Variants in DYNC2I1 observed in about 807,000 individuals in gnomAD.
The protein encoded by DYNC2I1 is dynein 2 intermediate chain 1.
DYNC2I1 carries 89 observed loss-of-function variants against 133.4 expected under a neutral mutation model. The ratio of observed to expected loss-of-function variants is 0.67; its 90% CI spans 0.56 to 0.80. DYNC2I1 has a LOEUF of 0.80. DYNC2I1 is among the 30% of genes least tolerant of loss of function. The pLI is 0.00. For missense variants in DYNC2I1, 1,291 were observed against 1,314.5 expected, an observed-to-expected ratio of 0.98 and a Z score of 0.28; for synonymous variants, 504 against 484.3, an observed-to-expected ratio of 1.04 and a Z score of -0.54.
In DYNC2I1 at chr7:158,945,602, G is replaced by A; in HGVS notation, c.3024G>A (p.Val1008=). ...GCAGGCTGGTGGCCATGGCTGCGGT[G>A]GGTGAGCCTGAGAAGGCTGGTGGCA... ...SPNRLVAMAA[V]GEPEKAGGSF... Residue 1008 remains valine (V), a synonymous_variant, in exon 25 of 25, where the codon GTG becomes GTA. Coordinates refer to ENST00000407559, the MANE Select transcript of DYNC2I1 (RefSeq NM_018051.5). This position sits in a 1 kb window ranked among gnomAD's most constrained non-coding sequence, Gnocchi z 4.1. 1 of 1,607,560 alleles carries A rather than the reference G, an allele frequency of 6.2e-7. No individual in the cohort carries two copies. The highest frequency in any genetic ancestry group is 8.5e-7 in the Non-Finnish European group (1 of 1,177,626).
chr7:158,937,745 C>CA (rs1319341583), intron 23 of DYNC2I1, among the ~76,000 whole-genome samples: 2 of 151,274 alleles, frequency 1.3e-5, no homozygotes, highest in African/African-American at 2.4e-5. Context: ...CCTATCTCTA[C>CA]AAAAAAAATT....
At chr7:158,935,170 A>G (rs1393333339) in intron 23 of DYNC2I1, among the ~76,000 whole-genome samples, 1 of 152,220 alleles carries the variant, frequency 6.6e-6, no homozygotes, top group Non-Finnish European at 1.5e-5. Flanking sequence ...CTTGAACCTG[A>G]AAGTCCAGGG....
At chr7:158,873,296 C>T (rs10282118) in intron 3 of DYNC2I1, among the ~76,000 whole-genome samples, 37,157 of 152,000 alleles carry the variant, frequency 0.24, 4,843 homozygotes, top group African/African-American at 0.32. Context: ...GTTAGAAGAA[C>T]AGGTAGTCAC....
chr7:158,879,728 T>G lies in DYNC2I1; in HGVS notation c.618T>G (p.Leu206=), dbSNP rs770678221. ...AGGACAACCCTCTCAAGTACTGGCT[T>G]TATAAAGAAGAAGGCGAGAGGAGAC... ...DSKDNPLKYW[L]YKEEGERRHR... Residue 206 remains leucine, a synonymous_variant, in exon 5 of 25, where the codon CTT becomes CTG. Coordinates refer to ENST00000407559, the MANE Select transcript of DYNC2I1 (RefSeq NM_018051.5). The G allele has an allele frequency of 6.3e-7, 1 of 1,598,290 alleles. No homozygotes were observed. Among genetic ancestry groups the G allele is most frequent in the South Asian group, 1.1e-5 (1 of 90,040 alleles).
chr7:158,889,384 C>G (rs555282783), intron 7 of DYNC2I1, among the ~76,000 whole-genome samples: 1 of 152,160 alleles, frequency 6.6e-6, no homozygotes, highest in Non-Finnish European at 1.5e-5. Flanking sequence ...CTGGCCACCC[C>G]TCCTGTTTTT....
At chr7:158,854,293 T>C (rs191055614), upstream of DYNC2I1, among the ~76,000 whole-genome samples, 1 of 152,262 alleles carries the variant, frequency 6.6e-6, no homozygotes, top group East Asian at 1.9e-4. Flanking sequence ...GCTGCATGAC[T>C]CCTAAACCAT....
intron 6 of DYNC2I1, 93 bp downstream of exon 6, chr7:158,884,712 T>A: frequency 7.6e-7 from 1 of 1,317,230 alleles, no homozygotes; most frequent in Non-Finnish European, 1.1e-6. Flanking sequence ...TGACGGCCAG[T>A]CCATGGCAAT....
chr7:158,905,134 CT>C, intron 10 of DYNC2I1: 2 of 313,840 alleles, frequency 6.4e-6, no homozygotes, highest in Admixed American at 3.7e-5. Flanking sequence ...TCTTGTCTTT[CT>C]TTTTCTTTTT....
At chr7:158,845,899 A>T in the DYNC2I1 span, among the ~76,000 whole-genome samples, 1 of 152,246 alleles carries the variant, frequency 6.6e-6, no homozygotes, top group Non-Finnish European at 1.5e-5. Context: ...AAAAACATTT[A>T]AAAATGTGTT....
rs780955388 is a variant in DYNC2I1 at position 158,891,350 on chromosome 7, T to G, written c.1059+17T>G. 2.2e-5 allele frequency: 35 copies of G among 1,613,914 alleles called. No individual in the cohort carries two copies. Among genetic ancestry groups the G allele is most frequent in the Admixed American group, 5.0e-5 (3 of 60,012 alleles). ...GAAACCGTGGTAAGGAGAGTACGTC[T>G]TCTTATAGTTTGCAATCCTGTCCCA... On this transcript the variant is annotated intron_variant, in intron 8 of 24. Coordinates refer to ENST00000407559, the MANE Select transcript of DYNC2I1 (RefSeq NM_018051.5).
intron 20 of DYNC2I1, among the ~76,000 whole-genome samples, 182 bp downstream of exon 20, chr7:158,927,225 G>A (rs896874804): frequency 1.3e-5 from 2 of 151,786 alleles, no homozygotes; most frequent in African/African-American, 4.8e-5. Flanking sequence ...AACATAGCAA[G>A]ACCCCGTCTC....
At chr7:158,954,883 G>A (rs1029307995) in intron 4 of DYNC2I1, among the ~76,000 whole-genome samples, 7 of 151,970 alleles carry the variant, frequency 4.6e-5, no homozygotes, top group Admixed American at 6.6e-5. Flanking sequence ...GGTGGAAGGC[G>A]GTCCCTCCCC....
chr7:158,899,228 TA>T (rs1316848010), intron 8 of DYNC2I1, among the ~76,000 whole-genome samples: 7 of 152,216 alleles, frequency 4.6e-5, no homozygotes, highest in African/African-American at 1.7e-4. Flanking sequence ...AAATTTGTAT[TA>T]TTTTTTATTT....
downstream of DYNC2I1, among the ~76,000 whole-genome samples, chr7:158,947,236 A>T (rs1585272372): frequency 2.0e-5 from 3 of 152,218 alleles, no homozygotes; most frequent in African/African-American, 7.2e-5. Flanking sequence ...TCTTCGCGGA[A>T]CCCAGGTTCA....
chr7:158,949,359 C>T (rs1851983213), downstream of DYNC2I1, among the ~76,000 whole-genome samples: 1 of 152,374 alleles, frequency 6.6e-6, no homozygotes, highest in South Asian at 2.1e-4. Context: ...GCTGCTTTAG[C>T]TGAGCTGATC....
chr7:158,861,586 C>T (rs1042614199), intron 1 of DYNC2I1, among the ~76,000 whole-genome samples: 1 of 152,246 alleles, frequency 6.6e-6, no homozygotes, highest in African/African-American at 2.4e-5. Context: ...AAAATAGACT[C>T]AGCGCAGCAG....
rs1006482093 is a variant in DYNC2I1 at position 158,934,219 on chromosome 7, C to T, written c.2637C>T (p.Gly879=). The change falls in exon 22 of 25, where the codon GGC becomes GGT. Residue 879 remains glycine (G), a synonymous_variant. Coordinates refer to ENST00000407559, the MANE Select transcript of DYNC2I1 (RefSeq NM_018051.5). ...LPSDPNHFII[G]TDMGLISHGT... ...CAGATCCTAATCACTTTATTATTGG[C>T]ACAGACATGGTGAGTAGTATTTTAA... 1.2e-6 allele frequency: 2 copies of T among 1,610,624 alleles called. No homozygotes were observed.
In DYNC2I1 at chr7:158,884,620, G is replaced by C. The variant is rs1346534105; in HGVS notation, c.935+1G>C. ...CAAAAAGAGATGGGACCAGCAGCCA[G>C]TAAGGATTGCATGCCCTGTGGTCGA... On this transcript the variant is annotated splice_donor_variant, in intron 6 of 24. Transcript: ENST00000407559. LOFTEE classifies it high-confidence loss of function. 1.2e-6 allele frequency: 2 copies of C among 1,613,278 alleles called. No individual in the cohort carries two copies. The highest frequency in any genetic ancestry group is 3.3e-5 in the Admixed American group (2 of 59,932).
chr7:158,903,484 T>G (rs1846436915), intron 10 of DYNC2I1: 1 of 152,242 alleles, frequency 6.6e-6, no homozygotes, highest in African/African-American at 2.4e-5. Context: ...TATGATGCAC[T>G]AATACAAATG....
Sources: gnomAD v4.1 joint callset for allele counts (sites outside exome capture counted in the v4.1 genomes callset) on GRCh38, gnomAD v4.1.1 for gene constraint, Gnocchi (gnomAD v3.1) non-coding constraint, MANE v1.5 for transcripts, NCBI Gene and HGNC (gene_info 2026-07-23, HGNC 2026-07-21) for gene names.